BPHL: variants seen among roughly 807,000 people sequenced by gnomAD.
BPHL encodes biphenyl hydrolase like.
Under a neutral mutation model 31.2 loss-of-function variants are expected in BPHL, and 27 were observed. The observed-to-expected ratio is 0.87, with a 90% CI of 0.64 to 1.19. BPHL has a LOEUF of 1.19. BPHL is among the 50% of genes most tolerant of loss of function. BPHL has a pLI of 0.00. For synonymous variants in BPHL, 150 were observed against 146.8 expected (o/e 1.02, Z -0.16); for missense variants, 356 against 375.7 (o/e 0.95, Z 0.43).
chr6:3,133,562 C>T (rs765598334), intron 4 of BPHL, among the ~76,000 whole-genome samples: 9 of 152,172 alleles, frequency 5.9e-5, no homozygotes, highest in Non-Finnish European at 1.5e-5. Context: ...TCCCAACCAC[C>T]AGTGTCCAGC....
rs567464063 is a variant in BPHL, at chr6:3,123,663, G to C, written c.114G>C (p.Ser38=). 1.2e-6 allele frequency: 2 copies of C among 1,612,980 alleles called. No individual in the cohort carries two copies. Among genetic ancestry groups the C allele is most frequent in the Non-Finnish European group, 8.5e-7 (1 of 1,179,456 alleles). Reference sequence around the variant, plus strand: ...TGTGTTTTTTCTCTTCTAGCACCTCGGTAACCTCTGCCAAAGTGGCTGTGA... The same window carrying C: ...TGTGTTTTTTCTCTTCTAGCACCTCCGTAACCTCTGCCAAAGTGGCTGTGA... The part of the protein sequence containing the change: ...RAGPAAAFGT[S]VTSAKVAVNG... The change falls in exon 2 of 7, where the codon TCG becomes TCC. Residue 38 remains serine (S), a synonymous_variant. Transcript: ENST00000380379.
chr6:3,137,902 C>T (rs1762056398), intron 5 of BPHL: 2 of 968,610 alleles, frequency 2.1e-6, no homozygotes, highest in Admixed American at 2.5e-5. Flanking sequence ...TGTGTCTCCC[C>T]ACGAGGACAC....
At position 3,152,643 on chromosome 6, in the gene BPHL, A is replaced by T. The variant is rs1762557568; in HGVS notation, c.*68A>T. On this transcript the variant is annotated 3_prime_UTR_variant, in exon 7 of 7. Coordinates refer to ENST00000380379, the MANE Select transcript of BPHL (RefSeq NM_004332.4). ...GATCGTGTTGCTGCCTGTTAACATG[A>T]TGCCTTTGAAACTCTCCGCCTTTGA... The T allele has an allele frequency of 7.1e-7, 1 of 1,410,080 alleles. No homozygotes were observed. The highest frequency in any genetic ancestry group is 1.8e-5 in the Admixed American group (1 of 55,000). 87.3% of individuals were successfully genotyped at this position (1,410,080 alleles called of 1,614,324 possible).
Position 3,153,343 on chromosome 6 carries a change from C to T in BPHL, c.*768C>T, listed in dbSNP as rs1005557724. 2.3e-5 allele frequency: 4 copies of T among 171,978 alleles called. No homozygotes were observed. Among genetic ancestry groups the T allele is most frequent in the Non-Finnish European group, 5.1e-5 (4 of 78,962 alleles). 10.7% of individuals were successfully genotyped at this position (171,978 alleles called of 1,614,324 possible). On this transcript the variant is annotated 3_prime_UTR_variant, in exon 7 of 7. Coordinates refer to ENST00000380379, the MANE Select transcript of BPHL (RefSeq NM_004332.4). Reference sequence around the variant, plus strand: ...GTAGGGAGAGTCCGTGCCCGAGGTCCTCAATTCTAAGATCAGAGGATGTCC... The same window carrying T: ...GTAGGGAGAGTCCGTGCCCGAGGTCTTCAATTCTAAGATCAGAGGATGTCC...
intron 2 of BPHL, chr6:3,124,043 G>C: frequency 4.3e-6 from 1 of 230,590 alleles, no homozygotes; most frequent in South Asian, 5.7e-5. Context: ...GTCAAGGAAA[G>C]GGGTGTGGGA....
intron 2 of BPHL, among the ~76,000 whole-genome samples, chr6:3,124,673 ACGT>A (rs1761668706): frequency 6.6e-6 from 1 of 152,130 alleles, no homozygotes; most frequent in South Asian, 2.1e-4. Flanking sequence ...ACAAGGAAAA[ACGT>A]CTGTACATGT....
intron 4 of BPHL, among the ~76,000 whole-genome samples, chr6:3,134,443 T>A (rs182601789): frequency 6.7e-6 from 1 of 148,486 alleles, no homozygotes; most frequent in East Asian, 1.9e-4. Flanking sequence ...CTTTCCTTTT[T>A]TTTTTTTTTT....
At chr6:3,132,104 A>C (rs1044753910) in intron 4 of BPHL, among the ~76,000 whole-genome samples, 1 of 152,002 alleles carries the variant, frequency 6.6e-6, no homozygotes, top group South Asian at 2.1e-4. Flanking sequence ...ACGTCTCGCT[A>C]CTTCCCCTCC....
chr6:3,119,145 G>A (rs1031908578), intron 1 of BPHL: 4 of 782,788 alleles, frequency 5.1e-6, no homozygotes, highest in Non-Finnish European at 8.3e-6. Flanking sequence ...AGAGACCCAG[G>A]GAGATACATT....
chr6:3,147,052 G>A (rs975281503), intron 6 of BPHL, among the ~76,000 whole-genome samples: 4 of 152,138 alleles, frequency 2.6e-5, no homozygotes, highest in African/African-American at 9.7e-5. Context: ...TTAAATTTAA[G>A]ACTTAACACA....
chr6:3,146,125 G>A lies in BPHL; in HGVS notation c.788+5616G>A, dbSNP rs181474683. Among the ~76,000 whole-genome samples the A allele has an allele frequency of 2.5e-3, 131 of 52,710 alleles. 29 individuals are homozygous for A. In the East Asian group the frequency reaches 0.026, roughly 11 times the overall value. 34.6% of individuals were successfully genotyped at this position (52,710 alleles called of 152,430 possible). A position where few individuals can be genotyped will look rare whatever the true frequency, so the allele number is the denominator to read the frequency against. On this transcript the variant is annotated intron_variant, in intron 6 of 6. Transcript: ENST00000380379. ...CTGGTTCCGGTTGGAGTGCTGGTTCGGGTCGGAGTGCTGGTTCGGGTTGGA... is the reference window on the plus strand; with the variant it reads ...CTGGTTCCGGTTGGAGTGCTGGTTCAGGTCGGAGTGCTGGTTCGGGTTGGA...
intron 6 of BPHL, among the ~76,000 whole-genome samples, chr6:3,150,321 TC>T (rs745555460): frequency 5.6e-4 from 85 of 152,288 alleles, no homozygotes; most frequent in Middle Eastern, 3.4e-3. Context: ...TGAAAAGGGC[TC>T]CAGGCGGGGC....
rs1762138536 is a variant in BPHL at position 3,140,360 on chromosome 6, G to A, written c.665-26G>A. 6.2e-7 allele frequency: 1 copy of A among 1,613,730 alleles called. No homozygotes were observed. The highest frequency in any genetic ancestry group is 1.3e-5 in the African/African-American group (1 of 74,902). On this transcript the variant is annotated intron_variant, in intron 5 of 6. Coordinates refer to ENST00000380379, the MANE Select transcript of BPHL (RefSeq NM_004332.4). The surrounding 1 kb of genome is among the most constrained non-coding windows in gnomAD (Gnocchi z 5.2). Reference sequence around the variant, plus strand: ...CGCGTAGAATGGTTGCACTAAAGCAGATTCCTCGTGCTGTGTATCCGTCAG... The same window carrying A: ...CGCGTAGAATGGTTGCACTAAAGCAAATTCCTCGTGCTGTGTATCCGTCAG...
intron 4 of BPHL, among the ~76,000 whole-genome samples, chr6:3,134,044 T>A (rs1581472307): frequency 6.6e-6 from 1 of 152,352 alleles, no homozygotes; most frequent in East Asian, 1.9e-4. Flanking sequence ...CTTATTGGGG[T>A]CTTAATTTGC....
chr6:3,137,490 G>T lies in BPHL; in HGVS notation c.661G>T (p.Asp221Tyr). The change falls in exon 5 of 7, where the codon GAT (aspartate) becomes TAT (tyrosine). Residue 221 changes from aspartate (D) to tyrosine (Y), a missense_variant. Asp to Tyr is a radical substitution (Grantham distance 160). Transcript: ENST00000380379. ...DGIRQFKHLP[D>Y]GNICRHLLPR... Reference sequence around the variant, plus strand: ...CATAAGACAGTTTAAACATCTCCCAGATGGTAGGTTACTGGGCTTGAAGGG... The same window carrying T: ...CATAAGACAGTTTAAACATCTCCCATATGGTAGGTTACTGGGCTTGAAGGG... 1 of 1,613,828 alleles carries T rather than the reference G, an allele frequency of 6.2e-7. No individual in the cohort carries two copies. The highest frequency in any genetic ancestry group is 8.5e-7 in the Non-Finnish European group (1 of 1,179,954).
At chr6:3,131,760 C>T (rs1211722847) in intron 4 of BPHL, among the ~76,000 whole-genome samples, 1 of 152,188 alleles carries the variant, frequency 6.6e-6, no homozygotes, top group Non-Finnish European at 1.5e-5. Flanking sequence ...CCCCCTCATG[C>T]CTCTTCGCCT....
chr6:3,126,527 A>G (rs752455587), intron 2 of BPHL, among the ~76,000 whole-genome samples: 1 of 152,028 alleles, frequency 6.6e-6, no homozygotes, highest in Non-Finnish European at 1.5e-5. Context: ...TTCTCAAAAT[A>G]GCCACCAGGG....
intron 2 of BPHL, among the ~76,000 whole-genome samples, chr6:3,124,568 G>A (rs969300082): frequency 6.7e-6 from 1 of 149,376 alleles, no homozygotes; most frequent in African/African-American, 2.6e-5. Flanking sequence ...ATGTTCTCCT[G>A]TATACTTTAA....
chr6:3,145,723 GGAGTGCTGGTTTGGGTC>G (rs1180062670), intron 6 of BPHL, among the ~76,000 whole-genome samples: 1 of 57,322 alleles, frequency 1.7e-5, no homozygotes, highest in Non-Finnish European at 4.1e-5. Context: ...GGTTCCAGCT[GGAGTGCTGGTTTGGGTC>G]GAGTGCTGGT....
Sources: allele counts gnomAD v4.1 joint callset (sites outside exome capture counted in the v4.1 genomes callset), GRCh38; gene constraint gnomAD v4.1.1; non-coding constraint Gnocchi (gnomAD v3.1); transcripts MANE v1.5; gene names NCBI Gene and HGNC (gene_info 2026-07-23, HGNC 2026-07-21).